ARMCX4: variants seen among roughly 807,000 people sequenced by gnomAD.
The protein encoded by ARMCX4 is armadillo repeat-containing X-linked protein 4.
ARMCX4 carries 3 observed loss-of-function variants against 34.7 expected under a neutral mutation model. The observed-to-expected ratio is 0.09, with a 90% confidence interval of 0.04 to 0.22. The LOEUF is 0.22. Among genes scored for constraint, ARMCX4 ranks in the 10% least tolerant of loss-of-function variants. The probability of loss-of-function intolerance (pLI) is 1.00; values close to 1 mark genes in which losing one functional copy is unlikely to be tolerated. For missense variants in ARMCX4, 1,448 were observed against 1,720.8 expected, an observed-to-expected ratio of 0.84 and a Z score of 2.81; for synonymous variants, 513 against 632.8, an observed-to-expected ratio of 0.81 and a Z score of 2.84.
intron 4 of ARMCX4, among the ~76,000 whole-genome samples, chrX:101,480,123 G>GACACACACACAC (rs57237822): frequency 2.3e-4 from 18 of 76,694 alleles, no homozygotes; most frequent in Admixed American, 1.9e-3. Flanking sequence ...AGGATTTGGA[G>GACACACACACAC]ACACACACAC....
rs184123050 is a variant in ARMCX4, at chrX:101,466,253, T to C, written c.-472-19770T>C. On this transcript the variant is annotated intron_variant and NMD_transcript_variant, in intron 4 of 15. Transcript: ENST00000433011. Reference sequence around the variant, plus strand: ...TAAAAATGACAAAACCAAGTGCATGTCAGAATTGGAGCAACTGGAACTCTC... The same window carrying C: ...TAAAAATGACAAAACCAAGTGCATGCCAGAATTGGAGCAACTGGAACTCTC... 5.7e-3 allele frequency among the ~76,000 whole-genome samples: 640 copies of C among 112,230 alleles called. 9 individuals carry two copies. Among genetic ancestry groups the C allele is most frequent in the African/African-American group, 0.019 (586 of 30,973 alleles).
chrX:101,512,681 T>G (rs187806325), intron 11 of ARMCX4, among the ~76,000 whole-genome samples: 1 of 109,142 alleles, frequency 9.2e-6, no homozygotes, highest in Non-Finnish European at 1.9e-5. Context: ...GGACTTGAGA[T>G]AAATGCATAT....
intron 4 of ARMCX4, among the ~76,000 whole-genome samples, chrX:101,478,656 A>G (rs1375679294): frequency 8.9e-6 from 1 of 111,908 alleles, no homozygotes; most frequent in Non-Finnish European, 1.9e-5. Context: ...AAAAAAGCGT[A>G]CCACAAAGAA....
chrX:101,471,412 A>T (rs183198041), intron 4 of ARMCX4, among the ~76,000 whole-genome samples: 1 of 111,983 alleles, frequency 8.9e-6, no homozygotes, highest in Non-Finnish European at 1.9e-5. Flanking sequence ...CTATTCCCCA[A>T]TTTTTTATGC....
At chrX:101,429,798 C>T (rs1353344187) in intron 2 of ARMCX4, among the ~76,000 whole-genome samples, 2 of 111,829 alleles carry the variant, frequency 1.8e-5, no homozygotes, top group Non-Finnish European at 3.8e-5. Context: ...TTAAATAACT[C>T]TTTTTATTGT....
intron 4 of ARMCX4, among the ~76,000 whole-genome samples, chrX:101,477,218 T>C (rs1933228770): frequency 9.2e-6 from 1 of 108,784 alleles, no homozygotes; most frequent in Non-Finnish European, 1.9e-5. Flanking sequence ...GGTGGGTGGA[T>C]CACTTGAAGT....
intron 4 of ARMCX4, among the ~76,000 whole-genome samples, chrX:101,479,484 CT>C (rs782507937): frequency 0.035 from 3,441 of 98,673 alleles, 152 homozygotes; most frequent in African/African-American, 0.11. Context: ...CTATAAATTC[CT>C]TTTTTTTTTT....
chrX:101,447,823 T>C (rs1478389659), downstream of ARMCX4: 16 of 111,939 alleles, frequency 1.4e-4, no homozygotes, highest in African/African-American at 5.2e-4. Context: ...CAAGCATTTA[T>C]CCTTTGTGTT....
intron 2 of ARMCX4, among the ~76,000 whole-genome samples, chrX:101,441,105 C>T (rs1555996784): frequency 9.0e-6 from 1 of 111,271 alleles, no homozygotes; most frequent in Admixed American, 9.6e-5. Flanking sequence ...CCTATTCGGC[C>T]ATCTTGGCTC....
chrX:101,434,435 G>T (rs1479336324), intron 2 of ARMCX4, among the ~76,000 whole-genome samples: 4 of 109,264 alleles, frequency 3.7e-5, no homozygotes, highest in Non-Finnish European at 5.7e-5. Context: ...TTTTAGTAGA[G>T]ACAGGGTTTC....
At chrX:101,443,752 G>A in intron 2 of ARMCX4, 1 of 300,874 alleles carries the variant, frequency 3.3e-6, no homozygotes, top group Non-Finnish European at 6.3e-6. Flanking sequence ...AGTGCTCCAT[G>A]GCTTCCACGA....
intron 2 of ARMCX4, among the ~76,000 whole-genome samples, chrX:101,434,158 G>T (rs781858234): frequency 9.1e-6 from 1 of 109,967 alleles, no homozygotes; most frequent in Admixed American, 9.8e-5. Flanking sequence ...TGTTGCCCAG[G>T]CTGATCTTGA....
intron 2 of ARMCX4, among the ~76,000 whole-genome samples, chrX:101,433,097 TAC>T (rs1555992927): frequency 1.6e-4 from 17 of 109,014 alleles, no homozygotes; most frequent in African/African-American, 3.3e-4. Flanking sequence ...TATATGTGTA[TAC>T]ATACGCACGT....
chrX:101,482,232 TA>T (rs113097006), upstream of ARMCX4, among the ~76,000 whole-genome samples: 28 of 110,171 alleles, frequency 2.5e-4, no homozygotes, highest in South Asian at 2.7e-3. Flanking sequence ...AGACTCCATA[TA>T]AAAAAAAATC....
intron 12 of ARMCX4, chrX:101,532,553 G>A (rs1160361739): frequency 9.0e-6 from 1 of 111,119 alleles, no homozygotes; most frequent in African/African-American, 3.3e-5. Flanking sequence ...CAGAGCCCAG[G>A]GATACTCACT....
chrX:101,514,761 C>A (rs1934670303), intron 11 of ARMCX4, among the ~76,000 whole-genome samples: 1 of 111,535 alleles, frequency 9.0e-6, no homozygotes, highest in African/African-American at 3.3e-5. Flanking sequence ...TAGTTAATTT[C>A]CCTGGGGAAT....
chrX:101,420,742 CTGAA>C (rs1372118331), intron 2 of ARMCX4, among the ~76,000 whole-genome samples: 6 of 112,317 alleles, frequency 5.3e-5, no homozygotes, highest in Non-Finnish European at 7.5e-5. Flanking sequence ...GTAAAAGAGA[CTGAA>C]TGAAAGTGGC....
chrX:101,490,131 C>T lies in ARMCX4; in HGVS notation c.1542C>T (p.Ala514=). The change falls in exon 6 of 6, where the codon GCC becomes GCT. Residue 514 remains alanine (A), a synonymous_variant. Transcript: ENST00000423738. ...TGGATATGAAGGCTCAAGGTATGGCCCAGAGCCAGGGTGAAGCCTTACCTA... is the reference window on the plus strand; with the variant it reads ...TGGATATGAAGGCTCAAGGTATGGCTCAGAGCCAGGGTGAAGCCTTACCTA... ...AGVDMKAQGM[A]QSQGEALPNT... 8.7e-7 allele frequency: 1 copy of T among 1,155,653 alleles called. No individual in the cohort carries two copies. The highest frequency in any genetic ancestry group is 1.1e-6 in the Non-Finnish European group (1 of 872,878).
At chrX:101,529,703 C>T (rs1935075953) in intron 11 of ARMCX4, among the ~76,000 whole-genome samples, 1 of 112,457 alleles carries the variant, frequency 8.9e-6, no homozygotes, top group South Asian at 3.6e-4. Context: ...CAAAAGAAGA[C>T]ATTTATGCAG....
Sources: gnomAD v4.1 joint callset for allele counts (sites outside exome capture counted in the v4.1 genomes callset) on GRCh38, gnomAD v4.1.1 for gene constraint, MANE v1.5 for transcripts, NCBI Gene and HGNC (gene_info 2026-07-23, HGNC 2026-07-21) for gene names.